The following PABPC4L variants were observed in gnomAD, a reference collection of about 807,000 sequenced individuals.
PABPC4L encodes poly(A) binding protein cytoplasmic 4 like.
For missense variants in PABPC4L, 452 were observed against 451.4 expected (o/e 1.00, Z -0.01); for synonymous variants, 169 against 164.1 (o/e 1.03, Z -0.23).
chr4:133,980,602 A>G, the PABPC4L span, among the ~76,000 whole-genome samples: 1 of 152,156 alleles, frequency 6.6e-6, no homozygotes, highest in African/African-American at 2.4e-5. Flanking sequence ...ATATTTACCA[A>G]ACATGTTGGT....
the PABPC4L span, among the ~76,000 whole-genome samples, chr4:134,122,736 T>C: frequency 9.9e-5 from 15 of 151,878 alleles, no homozygotes; most frequent in South Asian, 2.1e-4. Context: ...TGATTATTAA[T>C]ACAAATAAAA....
chr4:134,075,507 G>A, the PABPC4L span, among the ~76,000 whole-genome samples: 1 of 152,098 alleles, frequency 6.6e-6, no homozygotes, highest in African/African-American at 2.4e-5. Flanking sequence ...TGAGTAATGA[G>A]TATCATTAAT....
chr4:134,201,433 C>T (rs1320050002), intron 1 of PABPC4L, among the ~76,000 whole-genome samples, 188 bp from the exon 2 acceptor site: 1 of 152,182 alleles, frequency 6.6e-6, no homozygotes, highest in Non-Finnish European at 1.5e-5. Context: ...GGAAGAACTC[C>T]ACAAGCGGAG....
At chr4:134,163,066 A>AT in the PABPC4L span, among the ~76,000 whole-genome samples, 1 of 152,138 alleles carries the variant, frequency 6.6e-6, no homozygotes, top group Admixed American at 6.5e-5. Context: ...CAATGAAACA[A>AT]AAAGGTGGTT....
At chr4:134,161,656 A>G in the PABPC4L span, among the ~76,000 whole-genome samples, 2 of 152,186 alleles carry the variant, frequency 1.3e-5, no homozygotes, top group Non-Finnish European at 2.9e-5. Context: ...CTTGTCTTAC[A>G]AGAGATGCTA....
At chr4:134,081,154 T>A in the PABPC4L span, among the ~76,000 whole-genome samples, 1 of 152,190 alleles carries the variant, frequency 6.6e-6, no homozygotes, top group African/African-American at 2.4e-5. Flanking sequence ...GGACTGTTAC[T>A]ATACATTTAA....
the PABPC4L span, among the ~76,000 whole-genome samples, chr4:134,054,053 A>G: frequency 6.6e-6 from 1 of 151,678 alleles, no homozygotes; most frequent in South Asian, 2.1e-4. Flanking sequence ...CTACAGTGAC[A>G]AAGAAGTGAG....
At chr4:133,955,515 A>C in the PABPC4L span, among the ~76,000 whole-genome samples, 1 of 152,162 alleles carries the variant, frequency 6.6e-6, no homozygotes, top group Non-Finnish European at 1.5e-5. Context: ...TATTATTTGA[A>C]TATATGAATA....
At chr4:134,142,022 A>C in the PABPC4L span, among the ~76,000 whole-genome samples, 3 of 151,724 alleles carry the variant, frequency 2.0e-5, no homozygotes, top group Non-Finnish European at 3.0e-5. Context: ...TATGGATTGA[A>C]AGGTGTATTT....
the PABPC4L span, among the ~76,000 whole-genome samples, chr4:133,980,872 A>G: frequency 6.6e-6 from 1 of 152,194 alleles, no homozygotes; most frequent in Non-Finnish European, 1.5e-5. Flanking sequence ...AAAAACCACC[A>G]AAAGGCCGGG....
chr4:134,136,979 C>T, the PABPC4L span, among the ~76,000 whole-genome samples: 3 of 151,918 alleles, frequency 2.0e-5, no homozygotes, highest in Non-Finnish European at 2.9e-5. Flanking sequence ...GTTGATAACG[C>T]TGTGGTCTAT....
the PABPC4L span, among the ~76,000 whole-genome samples, chr4:134,046,930 T>A: frequency 6.6e-6 from 1 of 152,186 alleles, no homozygotes; most frequent in Non-Finnish European, 1.5e-5. Flanking sequence ...ATTTCTTATG[T>A]CTTCCTTTTC....
the PABPC4L span, among the ~76,000 whole-genome samples, chr4:134,046,487 A>C: frequency 3.3e-5 from 5 of 151,856 alleles, no homozygotes; most frequent in South Asian, 1.0e-3. Flanking sequence ...AGGGACATGC[A>C]GGAGATGGAG....
the PABPC4L span, among the ~76,000 whole-genome samples, chr4:133,980,223 C>A: frequency 6.6e-5 from 10 of 152,240 alleles, no homozygotes; most frequent in East Asian, 1.9e-3. Context: ...TCTACAGGAA[C>A]CAAAATCTAG....
At chr4:134,140,648 A>G in the PABPC4L span, among the ~76,000 whole-genome samples, 1 of 151,856 alleles carries the variant, frequency 6.6e-6, no homozygotes, top group Non-Finnish European at 1.5e-5. Flanking sequence ...AGATAAATGT[A>G]GGGATTTTTA....
At chr4:134,150,337 G>C in the PABPC4L span, among the ~76,000 whole-genome samples, 1 of 151,928 alleles carries the variant, frequency 6.6e-6, no homozygotes, top group East Asian at 1.9e-4. Flanking sequence ...ACCTGCCTTG[G>C]CCTCCCAAAG....
the PABPC4L span, among the ~76,000 whole-genome samples, chr4:134,030,397 C>T: frequency 2.0e-4 from 30 of 152,144 alleles, no homozygotes; most frequent in East Asian, 7.7e-4. Context: ...TTCCTTAATT[C>T]GTCTTGAATT....
At chr4:134,070,698 T>G in the PABPC4L span, among the ~76,000 whole-genome samples, 1 of 151,996 alleles carries the variant, frequency 6.6e-6, no homozygotes, top group African/African-American at 2.4e-5. Context: ...TGGTACATGT[T>G]GGTGGAGGTC....
At chr4:134,018,777 A>T in the PABPC4L span, among the ~76,000 whole-genome samples, 1 of 152,248 alleles carries the variant, frequency 6.6e-6, no homozygotes, top group East Asian at 1.9e-4. Flanking sequence ...CATATAAATT[A>T]AAATATAATT....
Sources: allele counts gnomAD v4.1 joint callset (sites outside exome capture counted in the v4.1 genomes callset), GRCh38; gene constraint gnomAD v4.1.1; transcripts MANE v1.5; gene names NCBI Gene and HGNC (gene_info 2026-07-23, HGNC 2026-07-21).